The following FRY variants were observed in gnomAD, a reference collection of about 807,000 sequenced individuals.
The protein encoded by FRY is protein furry homolog.
FRY carries 128 observed loss-of-function variants against 348.4 expected under a neutral mutation model. The observed-to-expected ratio is 0.37, with a 90% CI of 0.32 to 0.43. The LOEUF is 0.43. Among genes scored for constraint, FRY ranks in the 20% least tolerant of loss-of-function variants. FRY has a pLI of 1.00. For synonymous variants in FRY, 1,370 were observed against 1,374.7 expected, an observed-to-expected ratio of 1.00 and a Z score of 0.08; for missense variants, 2,736 against 3,695.2, an observed-to-expected ratio of 0.74 and a Z score of 6.73.
intron 41 of FRY, 111 bp from the exon 42 acceptor site, chr13:32,234,463 C>A: frequency 2.2e-6 from 2 of 904,528 alleles, no homozygotes; most frequent in Non-Finnish European, 3.7e-6. Context: ...AAATAAGTAC[C>A]ACTACAAGGT....
chr13:32,179,913 C>T (rs1037131969), intron 23 of FRY, 114 bp downstream of exon 23: 2 of 964,016 alleles, frequency 2.1e-6, no homozygotes, highest in East Asian at 4.8e-5. Context: ...AGTTTATAGG[C>T]TTTGTGTGAC....
intron 20 of FRY, among the ~76,000 whole-genome samples, chr13:32,176,994 G>A (rs564680866): frequency 1.3e-5 from 2 of 152,268 alleles, no homozygotes; most frequent in South Asian, 4.1e-4. Flanking sequence ...CTCAGGCTCT[G>A]TAGCTCCAGC....
At chr13:32,186,451 G>C (rs1179238498) in intron 27 of FRY, 31 bp downstream of exon 27, 1 of 1,375,710 alleles carries the variant, frequency 7.3e-7, no homozygotes, top group Non-Finnish European at 1.0e-6. Context: ...GAATGACTGA[G>C]TCAGATGGAT....
chr13:32,098,399 C>T (rs117690646), intron 2 of FRY, among the ~76,000 whole-genome samples: 116 of 152,108 alleles, frequency 7.6e-4, no homozygotes, highest in South Asian at 4.6e-3. Flanking sequence ...AAACAGAGGT[C>T]GCTTCATTTC....
rs148648435 is a variant in FRY at position 32,176,782 on chromosome 13, C to T, written c.2421+1150C>T. Among the ~76,000 whole-genome samples, 486 of 152,242 alleles carry T rather than the reference C, an allele frequency of 3.2e-3. 6 individuals carry two copies. The highest frequency in any genetic ancestry group is 0.011 in the African/African-American group (465 of 41,542). On this transcript the variant is annotated intron_variant, in intron 20 of 60. Transcript: ENST00000542859. ...CTGCAGTTAGGAAGATATACAGAAA[C>T]GGGGAGAGAGTAATGGGAGAAGCAG... is the stretch of plus-strand genomic sequence containing the variant.
chr13:32,188,565 A>C (rs184051429), intron 28 of FRY, among the ~76,000 whole-genome samples: 3 of 152,212 alleles, frequency 2.0e-5, no homozygotes, highest in African/African-American at 7.2e-5. Context: ...TTCTCAAAAC[A>C]CTCTTATAAT....
At chr13:32,246,587 G>T (rs188954817) in intron 47 of FRY, among the ~76,000 whole-genome samples, 6 of 152,320 alleles carry the variant, frequency 3.9e-5, no homozygotes, top group Admixed American at 6.5e-5. Context: ...TCCACCAGAG[G>T]GAGTCTGTGA....
At chr13:32,040,610 G>A (rs1403173801) in intron 1 of FRY, among the ~76,000 whole-genome samples, 2 of 152,202 alleles carry the variant, frequency 1.3e-5, no homozygotes, top group Admixed American at 1.3e-4. Context: ...TTCTGAATAA[G>A]AAGAAGTTGT....
chr13:32,247,597 G>T (rs1886873779), intron 48 of FRY, 95 bp downstream of exon 48: 2 of 990,712 alleles, frequency 2.0e-6, no homozygotes, highest in East Asian at 4.9e-5. Context: ...AGACTTATTT[G>T]ACAGTTATTT....
At position 32,254,252 on chromosome 13, in the gene FRY, A is replaced by T; in HGVS notation, c.7274A>T (p.Asp2425Val). 6.2e-7 allele frequency: 1 copy of T among 1,614,030 alleles called. No homozygotes were observed. Among genetic ancestry groups the T allele is most frequent in the Non-Finnish European group, 8.5e-7 (1 of 1,179,998 alleles). Residue 2425 changes from aspartate to valine, a missense_variant, in exon 51 of 61, where the codon GAT becomes GTT. This residue lies in a region of FRY where 789 missense variants were observed against 996.2 expected (regional missense o/e 0.79). Transcript: ENST00000542859. ...SVIFSSCGDL[D>V]LLEHQTSLVS... ...ATTTTTTCATCGTGTGGGGATCTGG[A>T]TCTGCTTGAGCACCAGACAAGCTTG...
At chr13:32,240,052 T>C (rs1886421193) in intron 46 of FRY, among the ~76,000 whole-genome samples, 171 bp downstream of exon 46, 1 of 152,224 alleles carries the variant, frequency 6.6e-6, no homozygotes, top group African/African-American at 2.4e-5. Flanking sequence ...GGATAAAATC[T>C]ATTATAGCTT....
chr13:32,263,959 A>G (rs935720957), intron 53 of FRY, among the ~76,000 whole-genome samples: 1 of 152,136 alleles, frequency 6.6e-6, no homozygotes, highest in Non-Finnish European at 1.5e-5. Context: ...GGTAGCTGAG[A>G]TCGCACCACT....
intron 59 of FRY, among the ~76,000 whole-genome samples, chr13:32,290,593 G>A (rs577523058): frequency 2.1e-4 from 32 of 152,188 alleles, no homozygotes; most frequent in African/African-American, 5.1e-4. Flanking sequence ...GGGTAAAGGC[G>A]AGATCATAAG....
intron 3 of FRY, among the ~76,000 whole-genome samples, chr13:32,116,685 A>G (rs1878322655): frequency 6.6e-6 from 1 of 152,162 alleles, no homozygotes; most frequent in African/African-American, 2.4e-5. Flanking sequence ...TATAGTAATC[A>G]GTTAAAAAAT....
chr13:32,234,338 A>T (rs1339055024), intron 41 of FRY, among the ~76,000 whole-genome samples: 1 of 151,824 alleles, frequency 6.6e-6, no homozygotes, highest in Non-Finnish European at 1.5e-5. Flanking sequence ...TGGGAGGATC[A>T]CTTGAGCCCA....
intron 3 of FRY, among the ~76,000 whole-genome samples, chr13:32,105,784 A>G (rs1009118657): frequency 6.6e-6 from 1 of 152,094 alleles, no homozygotes; most frequent in African/African-American, 2.4e-5. Context: ...TTTAAATGAT[A>G]TTTGTATCAA....
chr13:32,103,463 A>C (rs1172805065), intron 3 of FRY, among the ~76,000 whole-genome samples: 2 of 152,234 alleles, frequency 1.3e-5, no homozygotes, highest in African/African-American at 4.8e-5. Flanking sequence ...CAATGAGAAC[A>C]CATGGACACA....
chr13:32,134,932 A>G lies in FRY; in HGVS notation c.914A>G (p.Lys305Arg). The change falls in exon 9 of 61, where the codon AAA becomes AGA. Residue 305 changes from lysine to arginine, a missense_variant. By Grantham distance (26) the Lys-to-Arg change is conservative. Coordinates refer to ENST00000542859, the MANE Select transcript of FRY (RefSeq NM_023037.3). The stretch of plus-strand genomic sequence containing the variant: ...TGTGCACATTACTTCCTCGAGGTCA[A>G]AGACAAAGATATCAAGCATGCCTTG... ...QECAHYFLEV[K>R]DKDIKHALAG... 1 of 1,612,586 alleles carries G rather than the reference A, an allele frequency of 6.2e-7. No homozygotes were observed. The highest frequency in any genetic ancestry group is 8.5e-7 in the Non-Finnish European group (1 of 1,178,628).
intron 58 of FRY, among the ~76,000 whole-genome samples, chr13:32,288,959 A>G (rs1383810084): frequency 6.6e-6 from 1 of 152,248 alleles, no homozygotes; most frequent in Non-Finnish European, 1.5e-5. Flanking sequence ...TATAGGGTAC[A>G]GAGGCACAAA....
Sources: allele counts gnomAD v4.1 joint callset (sites outside exome capture counted in the v4.1 genomes callset), GRCh38; gene constraint gnomAD v4.1.1; regional missense constraint gnomAD v4.1.1; transcripts MANE v1.5; gene names NCBI Gene and HGNC (gene_info 2026-07-23, HGNC 2026-07-21).